Variants in CPEB4 observed in about 807,000 individuals in gnomAD.
CPEB4 encodes the protein cytoplasmic polyadenylation element binding protein 4.
In CPEB4, 12 loss-of-function variants were observed where a neutral mutation model predicts 72.5. The ratio of observed to expected loss-of-function variants is 0.17; its 90% CI spans 0.11 to 0.27. The LOEUF (loss-of-function observed/expected upper bound fraction) is 0.27, where lower values mean the gene tolerates loss of function less well. Among genes scored for constraint, CPEB4 ranks in the 10% least tolerant of loss-of-function variants. The pLI, the probability that CPEB4 is intolerant of heterozygous loss-of-function variation, is 1.00. For missense variants in CPEB4, 614 were observed against 908.5 expected (o/e 0.68, Z 4.17); for synonymous variants, 302 against 326.3 (o/e 0.93, Z 0.80).
At chr5:173,895,622 T>C (rs956958771) in intron 1 of CPEB4, among the ~76,000 whole-genome samples, 3 of 152,238 alleles carry the variant, frequency 2.0e-5, no homozygotes, top group Admixed American at 6.5e-5. Flanking sequence ...ACAGTATCGT[T>C]CCAAGAAGGA....
chr5:173,941,017 G>A (rs1297201333), intron 3 of CPEB4, among the ~76,000 whole-genome samples: 5 of 151,994 alleles, frequency 3.3e-5, no homozygotes, highest in Admixed American at 6.6e-5. Context: ...TTACTATTCC[G>A]GAAATTATTT....
At chr5:173,899,682 G>A (rs938438157) in intron 1 of CPEB4, among the ~76,000 whole-genome samples, 1 of 152,260 alleles carries the variant, frequency 6.6e-6, no homozygotes, top group African/African-American at 2.4e-5. Context: ...GGAAAGATGA[G>A]TGAGAGAACA....
chr5:173,948,950 T>C (rs1057357375), intron 5 of CPEB4, among the ~76,000 whole-genome samples: 7 of 152,050 alleles, frequency 4.6e-5, no homozygotes, highest in African/African-American at 7.3e-5. Context: ...TTTCAACATA[T>C]GAATTTTGAG....
intron 1 of CPEB4, among the ~76,000 whole-genome samples, chr5:173,892,117 G>A (rs1755834421): frequency 6.6e-6 from 1 of 152,114 alleles, no homozygotes; most frequent in African/African-American, 2.4e-5. Flanking sequence ...TCCCAAATAC[G>A]ATGTTAGCCC....
intron 2 of CPEB4, among the ~76,000 whole-genome samples, chr5:173,921,828 T>A (rs1757082475): frequency 6.6e-6 from 1 of 152,262 alleles, no homozygotes; most frequent in Non-Finnish European, 1.5e-5. Flanking sequence ...TTTTTCCTTT[T>A]CGAGGTAGAC....
intron 2 of CPEB4, 61 bp downstream of exon 2, chr5:173,910,665 TTAATC>T: frequency 1.9e-6 from 2 of 1,072,788 alleles, no homozygotes; most frequent in Non-Finnish European, 2.9e-6. Flanking sequence ...TATTAACTAT[TTAATC>T]TGATACACAG....
chr5:173,942,912 C>T lies in CPEB4; in HGVS notation c.1259-114C>T. 6 of 1,020,706 alleles carry T rather than the reference C, an allele frequency of 5.9e-6. No individual in the cohort carries two copies. In the East Asian group the frequency reaches 1.5e-4, roughly 26 times the overall value. 63.2% of individuals were successfully genotyped at this position (1,020,706 alleles called of 1,614,324 possible). A position where few individuals can be genotyped will look rare whatever the true frequency, so the allele number is the denominator to read the frequency against. On this transcript the variant is annotated intron_variant, in intron 3 of 9. Coordinates refer to ENST00000265085, the MANE Select transcript of CPEB4 (RefSeq NM_030627.4). ...TTTACCAGGAAATGAAGAATATAGT[C>T]ACAGTTTTTCCATTTTCAAAAGCTG...
rs764123436 is a variant in CPEB4 at position 173,910,591 on chromosome 5, T to C, written c.1194T>C (p.Asn398=). Residue 398 remains asparagine (N), a synonymous_variant, in exon 2 of 10, where the codon AAT becomes AAC. Transcript: ENST00000265085. ...SSLIDIMRAE[N]DTIKGRLNYS... is the part of the protein sequence containing the mutation. ...TCATTGACATAATGAGAGCTGAAAATGATACCATTAAAGGTAAGTTTAGAA... is the reference window on the plus strand; with the variant it reads ...TCATTGACATAATGAGAGCTGAAAACGATACCATTAAAGGTAAGTTTAGAA... The C allele has an allele frequency of 1.9e-6, 3 of 1,604,294 alleles. No individual in the cohort carries two copies. Among genetic ancestry groups the C allele is most frequent in the Non-Finnish European group, 2.6e-6 (3 of 1,171,166 alleles).
In CPEB4 at chr5:173,955,866, T is replaced by A. The variant is rs764092327; in HGVS notation, c.1963-44T>A. Reference sequence around the variant, plus strand: ...AATGTACATGTATGGTAAGCATTGCTGGCCTAGTCACTGAAAAATGTAAAC... The same window carrying A: ...AATGTACATGTATGGTAAGCATTGCAGGCCTAGTCACTGAAAAATGTAAAC... On this transcript the variant is annotated intron_variant, in intron 9 of 9. Coordinates refer to ENST00000265085, the MANE Select transcript of CPEB4 (RefSeq NM_030627.4). This position sits in a 1 kb window ranked among gnomAD's most constrained non-coding sequence, Gnocchi z 4.7. 5 of 1,493,932 alleles carry A rather than the reference T, an allele frequency of 3.3e-6. 1 individual carries two copies. The South Asian group carries it at 6.0e-5, about 18-fold the overall frequency. 92.5% of individuals were successfully genotyped at this position (1,493,932 alleles called of 1,614,324 possible). A position where few individuals can be genotyped will look rare whatever the true frequency, so the allele number is the denominator to read the frequency against.
At chr5:173,938,029 G>T (rs747703629) in intron 3 of CPEB4, among the ~76,000 whole-genome samples, 6 of 152,124 alleles carry the variant, frequency 3.9e-5, no homozygotes, top group Non-Finnish European at 7.4e-5. Context: ...TTGTTGAATC[G>T]TATGCTTTGG....
intron 2 of CPEB4, among the ~76,000 whole-genome samples, chr5:173,931,970 G>A (rs1343153006): frequency 6.6e-6 from 1 of 152,196 alleles, no homozygotes; most frequent in African/African-American, 2.4e-5. Context: ...TGTAAGTTTA[G>A]TGAAATGTTC....
rs577314586 is a variant in CPEB4 at position 173,912,591 on chromosome 5, A to C, written c.1207+1987A>C. Among the ~76,000 whole-genome samples, 142 of 151,818 alleles carry C rather than the reference A, an allele frequency of 9.4e-4. 1 individual carries two copies. The highest frequency in any genetic ancestry group is 3.3e-3 in the African/African-American group (138 of 41,482). On this transcript the variant is annotated intron_variant, in intron 2 of 9. Transcript: ENST00000265085. ...ATATAATAAAGTAATTTGAAAAAGA[A>C]AAAAACACAGACCCTGTCTTTATAT... is the stretch of plus-strand genomic sequence containing the variant.
chr5:173,930,966 T>A (rs1757425614), intron 2 of CPEB4, among the ~76,000 whole-genome samples: 1 of 144,220 alleles, frequency 6.9e-6, no homozygotes, highest in South Asian at 2.2e-4. Context: ...ACTCCAGCCT[T>A]GGAGACAGAG....
intron 2 of CPEB4, among the ~76,000 whole-genome samples, chr5:173,930,315 C>CA (rs1185550391): frequency 6.6e-6 from 1 of 152,188 alleles, no homozygotes; most frequent in East Asian, 1.9e-4. Flanking sequence ...CTCGGCCTCT[C>CA]AAAGTGCTGG....
At chr5:173,898,371 A>C (rs1386033192) in intron 1 of CPEB4, among the ~76,000 whole-genome samples, 1 of 152,180 alleles carries the variant, frequency 6.6e-6, no homozygotes, top group Non-Finnish European at 1.5e-5. Context: ...TACTCTGAAA[A>C]AATGTTATTA....
chr5:173,938,684 T>C (rs957143659), intron 3 of CPEB4, among the ~76,000 whole-genome samples: 1 of 152,226 alleles, frequency 6.6e-6, no homozygotes, highest in Non-Finnish European at 1.5e-5. Flanking sequence ...GATCCGTTTT[T>C]TCATTGTCCA....
chr5:173,888,901 C>T lies in CPEB4; in HGVS notation c.-833C>T. ...TAATCCCTCCTGATCGCGACCCCCG[C>T]AAGAGGGAGAAACGGGTGTTTCCAA... On this transcript the variant is annotated 5_prime_UTR_variant, in exon 1 of 10. Transcript: ENST00000265085. The surrounding 1 kb of genome is among the most constrained non-coding windows in gnomAD (Gnocchi z 4.3). 4.9e-6 allele frequency: 1 copy of T among 203,520 alleles called. No homozygotes were observed. The highest frequency in any genetic ancestry group is 9.8e-6 in the Non-Finnish European group (1 of 101,720). 12.6% of individuals were successfully genotyped at this position (203,520 alleles called of 1,614,324 possible).
intron 9 of CPEB4, among the ~76,000 whole-genome samples, chr5:173,954,516 G>A (rs1758316010): frequency 1.3e-5 from 2 of 152,046 alleles, no homozygotes; most frequent in Non-Finnish European, 2.9e-5. Context: ...GGAATTACAG[G>A]CATATACCAC....
intron 4 of CPEB4, among the ~76,000 whole-genome samples, chr5:173,943,584 G>GA (rs1399176960): frequency 2.0e-5 from 3 of 152,020 alleles, no homozygotes; most frequent in Non-Finnish European, 4.4e-5. Flanking sequence ...TAATTCTAAA[G>GA]AATCATTTCG....
Sources: gnomAD v4.1 joint callset for allele counts (sites outside exome capture counted in the v4.1 genomes callset) on GRCh38, gnomAD v4.1.1 for gene constraint, Gnocchi (gnomAD v3.1) non-coding constraint, MANE v1.5 for transcripts, NCBI Gene and HGNC (gene_info 2026-07-23, HGNC 2026-07-21) for gene names.